Variants in NCMAP observed in about 807,000 individuals in gnomAD.
NCMAP encodes the protein non-compact myelin associated protein.
NCMAP carries 8 observed loss-of-function variants against 7.8 expected under a neutral mutation model. That is an observed-to-expected ratio of 1.02 (90% CI 0.60 to 1.84). The LOEUF (loss-of-function observed/expected upper bound fraction) is 1.84. Ranked by LOEUF, NCMAP falls within the 40% of genes most tolerant of loss-of-function variation. The probability of loss-of-function intolerance (pLI) is 0.00; values close to 1 mark genes in which losing one functional copy is unlikely to be tolerated. For synonymous variants in NCMAP, 41 were observed against 52.9 expected (o/e 0.78, Z 0.98); for missense variants, 112 against 131.4 (o/e 0.85, Z 0.72).
At chr1:24,588,064 G>A (rs956456771) in intron 1 of NCMAP, among the ~76,000 whole-genome samples, 1 of 151,954 alleles carries the variant, frequency 6.6e-6, no homozygotes, top group Non-Finnish European at 1.5e-5. Flanking sequence ...ACTTCTGAGA[G>A]GAAAAGACTC....
intron 1 of NCMAP, among the ~76,000 whole-genome samples, chr1:24,559,544 G>A (rs189627032): frequency 4.6e-5 from 7 of 152,314 alleles, no homozygotes; most frequent in East Asian, 1.9e-4. Context: ...GAAATTCCCC[G>A]AGGTAGTGGC....
chr1:24,605,819 C>G lies in NCMAP; in HGVS notation c.*72C>G, dbSNP rs1652707064. ...GAGTCAAGACCCAGAGGCACACTCT[C>G]TGGCAGCTTCACAATGAGCTTCTTC... On this transcript the variant is annotated 3_prime_UTR_variant, in exon 4 of 4. Coordinates refer to ENST00000374392, the MANE Select transcript of NCMAP (RefSeq NM_001010980.5). 3 of 1,555,908 alleles carry G rather than the reference C, an allele frequency of 1.9e-6. No individual in the cohort carries two copies. The highest frequency in any genetic ancestry group is 4.6e-5 in the East Asian group (2 of 43,936).
chr1:24,563,806 T>C (rs1166048107), intron 1 of NCMAP: 1 of 152,262 alleles, frequency 6.6e-6, no homozygotes, highest in African/African-American at 2.4e-5. Context: ...AGAAATACGT[T>C]GTCTGCACTG....
intron 2 of NCMAP, among the ~76,000 whole-genome samples, chr1:24,596,581 G>C (rs1652237371): frequency 6.6e-6 from 1 of 152,036 alleles, no homozygotes; most frequent in South Asian, 2.1e-4. Flanking sequence ...CTACACGGGG[G>C]GTGCTGAGGC....
chr1:24,575,808 G>T (rs1388561175), intron 1 of NCMAP, among the ~76,000 whole-genome samples: 3 of 151,472 alleles, frequency 2.0e-5, no homozygotes, highest in Non-Finnish European at 4.4e-5. Context: ...AGCCGGGCGT[G>T]GTGGCATGTG....
chr1:24,583,155 G>A (rs559624585), intron 1 of NCMAP, among the ~76,000 whole-genome samples: 1 of 152,288 alleles, frequency 6.6e-6, no homozygotes, highest in Non-Finnish European at 1.5e-5. Flanking sequence ...CTCAAGCAGA[G>A]AAAATTTTGT....
In NCMAP at chr1:24,605,961, A is replaced by C; in HGVS notation, c.*214A>C. The C allele has an allele frequency of 5.5e-6, 3 of 540,976 alleles. No individual in the cohort carries two copies. The highest frequency in any genetic ancestry group is 1.9e-5 in the African/African-American group (1 of 52,692). 33.5% of individuals were successfully genotyped at this position (540,976 alleles called of 1,614,324 possible). A position where few individuals can be genotyped will look rare whatever the true frequency, so the allele number is the denominator to read the frequency against. On this transcript the variant is annotated 3_prime_UTR_variant, in exon 4 of 4. Coordinates refer to ENST00000374392, the MANE Select transcript of NCMAP (RefSeq NM_001010980.5). ...ACATCCCTGCCGCCACCCCACCAAA[A>C]AGCTGCAGAACATTCTTTTGTCATC...
chr1:24,604,067 G>A (rs2148939744), intron 3 of NCMAP, among the ~76,000 whole-genome samples: 1 of 152,346 alleles, frequency 6.6e-6, no homozygotes, highest in Non-Finnish European at 1.5e-5. Context: ...CACAGCCTAA[G>A]AAGTCCTTTT....
At chr1:24,575,117 T>C (rs2148928969) in intron 1 of NCMAP, among the ~76,000 whole-genome samples, 1 of 151,940 alleles carries the variant, frequency 6.6e-6, no homozygotes, top group South Asian at 2.1e-4. Flanking sequence ...TAAGGGCCCA[T>C]TAAGATGTTT....
chr1:24,592,909 G>T (rs1311316353), intron 1 of NCMAP, among the ~76,000 whole-genome samples: 2 of 149,460 alleles, frequency 1.3e-5, no homozygotes, highest in African/African-American at 5.0e-5. Flanking sequence ...ACAGAGCAAG[G>T]TGGCTCACGC....
At chr1:24,575,287 T>G (rs1249780164) in intron 1 of NCMAP, among the ~76,000 whole-genome samples, 2 of 152,010 alleles carry the variant, frequency 1.3e-5, no homozygotes, top group African/African-American at 4.8e-5. Flanking sequence ...AAGTTTCAGT[T>G]TTTTTCCCTC....
At position 24,595,553 on chromosome 1, in the gene NCMAP, G is replaced by T. The variant is rs189888395; in HGVS notation, c.82+41G>T. On this transcript the variant is annotated intron_variant, in intron 2 of 3. Transcript: ENST00000374392. Reference sequence around the variant, plus strand: ...CTTAGAGGCTGGGGGAAGGATGGCAGGACCAGTGTCATGGTCATAGTGCAG... The same window carrying T: ...CTTAGAGGCTGGGGGAAGGATGGCATGACCAGTGTCATGGTCATAGTGCAG... 178 of 1,492,282 alleles carry T rather than the reference G, an allele frequency of 1.2e-4. 1 individual carries two copies. In the East Asian group the frequency reaches 3.7e-3, roughly 31 times the overall value. The allele number at this position is 1,492,282 out of a possible 1,614,324, so 92.4% of individuals were successfully genotyped here.
At position 24,572,976 on chromosome 1, in the gene NCMAP, A is replaced by T. The variant is rs556067401; in HGVS notation, c.-8+16807A>T. On this transcript the variant is annotated intron_variant, in intron 1 of 3. Transcript: ENST00000374392. ...TGGAGTTTGATAAGGATCCAATGGG[A>T]CTGTGAACATGAAGCCCATGCCCAG... 1.4e-3 allele frequency among the ~76,000 whole-genome samples: 206 copies of T among 150,752 alleles called. 13 individuals carry two copies. The highest frequency in any genetic ancestry group is 4.5e-3 in the African/African-American group (182 of 40,084).
chr1:24,600,847 A>T, intron 2 of NCMAP, 93 bp from the exon 3 acceptor site: 1 of 1,025,932 alleles, frequency 9.7e-7, no homozygotes, highest in Non-Finnish European at 1.5e-6. Context: ...GCCTCCCTTG[A>T]CCTAGTGAGG....
At chr1:24,604,591 AAAAAAAAAAAAAAAATAT>A (rs1652625112) in intron 3 of NCMAP, among the ~76,000 whole-genome samples, 6 of 62,714 alleles carry the variant, frequency 9.6e-5, no homozygotes, top group Admixed American at 4.2e-4. Flanking sequence ...AAAAAAAAAA[AAAAAAAAAAAAAAAATAT>A]ATATATATAT....
At chr1:24,558,432 G>C (rs574936216) in intron 1 of NCMAP, among the ~76,000 whole-genome samples, 2 of 152,290 alleles carry the variant, frequency 1.3e-5, no homozygotes, top group African/African-American at 4.8e-5. Flanking sequence ...CACTGACCAT[G>C]AGCTTCTTGT....
At chr1:24,579,024 C>T (rs958598111) in intron 1 of NCMAP, among the ~76,000 whole-genome samples, 12 of 152,156 alleles carry the variant, frequency 7.9e-5, no homozygotes, top group African/African-American at 2.7e-4. Flanking sequence ...GGCTGGTTAC[C>T]CGCAGACTGT....
intron 1 of NCMAP, among the ~76,000 whole-genome samples, chr1:24,581,567 C>T (rs997850758): frequency 8.5e-5 from 13 of 152,196 alleles, no homozygotes; most frequent in South Asian, 2.1e-4. Flanking sequence ...AGTTACTGCA[C>T]GGACTGAGAG....
At chr1:24,565,571 AT>A (rs1557592751) in intron 1 of NCMAP, among the ~76,000 whole-genome samples, 17 of 88,610 alleles carry the variant, frequency 1.9e-4, no homozygotes, top group African/African-American at 7.9e-4. Flanking sequence ...GTGATAGAAG[AT>A]TGTGTGTGTG....
Sources: allele counts gnomAD v4.1 joint callset (sites outside exome capture counted in the v4.1 genomes callset), GRCh38; gene constraint gnomAD v4.1.1; transcripts MANE v1.5; gene names NCBI Gene and HGNC (gene_info 2026-07-23, HGNC 2026-07-21).